METTL17: variants seen among roughly 807,000 people sequenced by gnomAD.
The protein encoded by METTL17 is methyltransferase like 17.
In METTL17, 49 loss-of-function variants were observed where a neutral mutation model predicts 59.4. The ratio of observed to expected loss-of-function variants is 0.82; its 90% confidence interval spans 0.66 to 1.05. The LOEUF is 1.05. Ranked by LOEUF, METTL17 falls within the 50% of genes least tolerant of loss-of-function variation. METTL17 has a pLI of 0.00. For synonymous variants in METTL17, 208 were observed against 209.2 expected (o/e 0.99, Z 0.05); for missense variants, 555 against 578.4 (o/e 0.96, Z 0.41).
chr14:20,991,568 T>C (rs1880028970), intron 3 of METTL17, among the ~76,000 whole-genome samples: 1 of 152,154 alleles, frequency 6.6e-6, no homozygotes, highest in Non-Finnish European at 1.5e-5. Context: ...TCTTGCTCTG[T>C]TGCCCAGGCT....
Position 20,996,995 on chromosome 14 carries a change from G to C in METTL17, c.*105G>C, listed in dbSNP as rs939987979. ...TATCCCCATATGTCTGTGTTTGTTT[G>C]AGATTTTTAATAATAAATAATAAAT... On this transcript the variant is annotated 3_prime_UTR_variant, in exon 14 of 14. Transcript: ENST00000339374. The C allele has an allele frequency of 1.7e-6, 2 of 1,155,264 alleles. No homozygotes were observed. Among genetic ancestry groups the C allele is most frequent in the African/African-American group, 3.1e-5 (2 of 64,074 alleles). 71.6% of individuals were successfully genotyped at this position (1,155,264 alleles called of 1,614,324 possible).
rs1170404275 is a variant in METTL17, at chr14:20,996,873, G to A, written c.1354G>A (p.Asp452Asn). The stretch of plus-strand genomic sequence containing the variant: ...TGCGTTTCCTCCATCTACGGCTCAG[G>A]ATCCCTCTGAGAGTTGATGAGGATG... ...PSAFPPSTAQ[D>N]PSES is the part of the protein sequence containing the mutation. The change falls in exon 14 of 14, where the codon GAT becomes AAT. Residue 452 changes from aspartate to asparagine, a missense_variant. Transcript: ENST00000339374. 1.2e-6 allele frequency: 2 copies of A among 1,610,448 alleles called. No homozygotes were observed. Among genetic ancestry groups the A allele is most frequent in the South Asian group, 1.1e-5 (1 of 91,074 alleles).
rs868720996 is a variant in METTL17, at chr14:20,995,247, T to A, written c.945+14T>A. 1 of 1,608,886 alleles carries A rather than the reference T, an allele frequency of 6.2e-7. No individual in the cohort carries two copies. Among genetic ancestry groups the A allele is most frequent in the Non-Finnish European group, 8.5e-7 (1 of 1,175,232 alleles). Reference sequence around the variant, plus strand: ...CTGGTCCTTAAGGTAAGGCTTCTTCTTCCCTCACTCCCCCACCCATATGGC... The same window carrying A: ...CTGGTCCTTAAGGTAAGGCTTCTTCATCCCTCACTCCCCCACCCATATGGC... On this transcript the variant is annotated intron_variant, in intron 10 of 13. Transcript: ENST00000339374.
In METTL17 at chr14:20,996,811, G is replaced by C. The variant is rs1028457149; in HGVS notation, c.1292G>C (p.Ser431Thr). Residue 431 changes from serine to threonine, a missense_variant, in exon 14 of 14, where the codon AGC becomes ACC. Coordinates refer to ENST00000339374, the MANE Select transcript of METTL17 (RefSeq NM_022734.3). ...GATTTGTATCGTTGTGCCCGTGTCA[G>C]CTCCTGGGGAGATCTTTTACCTGTG... ...GRDLYRCARV[S>T]SWGDLLPVLT... is the part of the protein sequence containing the mutation. 2 of 1,614,178 alleles carry C rather than the reference G, an allele frequency of 1.2e-6. No homozygotes were observed. The highest frequency in any genetic ancestry group is 1.7e-5 in the Admixed American group (1 of 60,036).
intron 3 of METTL17, chr14:20,991,622 C>G (rs1462205375): frequency 5.9e-6 from 1 of 169,610 alleles, no homozygotes; most frequent in Non-Finnish European, 1.2e-5. Flanking sequence ...CCTCTGCCTC[C>G]CGGTTTCAAG....
chr14:20,996,373 G>C, intron 12 of METTL17, 81 bp downstream of exon 12: 1 of 1,528,272 alleles, frequency 6.5e-7, no homozygotes, highest in South Asian at 1.1e-5. Flanking sequence ...AGGAGGAGTT[G>C]GATAATTTGT....
At chr14:20,993,089 C>G in intron 5 of METTL17, 29 bp from the exon 6 acceptor site, 2 of 1,599,054 alleles carry the variant, frequency 1.3e-6, no homozygotes, top group Non-Finnish European at 1.7e-6. Context: ...TCTAATTACC[C>G]TACTGTGGGA....
intron 5 of METTL17, 76 bp from the exon 6 acceptor site, chr14:20,993,042 C>T: frequency 1.6e-6 from 2 of 1,224,606 alleles, no homozygotes; most frequent in Admixed American, 1.7e-5. Context: ...TCTGTGATAG[C>T]CTCCTAATTC....
At chr14:20,992,769 T>C in intron 5 of METTL17, 147 bp downstream of exon 5, 1 of 657,344 alleles carries the variant, frequency 1.5e-6, no homozygotes. Flanking sequence ...GGCTCCTGCC[T>C]GCAGTCCCAA....
At position 20,994,530 on chromosome 14, in the gene METTL17, CT is replaced by C. The variant is rs1252507704; in HGVS notation, c.698-9del. On this transcript the variant is annotated splice_polypyrimidine_tract_variant and intron_variant, in intron 7 of 13. Transcript: ENST00000339374. ...TCCTACACACTCACAGTTGCCTCTT[CT>C]TTTCTCCACAGGTGGTTCAGAATCT... 7.4e-6 allele frequency: 12 copies of C among 1,613,236 alleles called. No homozygotes were observed. Among genetic ancestry groups the C allele is most frequent in the African/African-American group, 1.3e-5 (1 of 74,912 alleles).
Position 20,993,695 on chromosome 14 carries a change from T to A in METTL17, c.603-274T>A, listed in dbSNP as rs12589159. The A allele has an allele frequency of 8.1e-3, 2,012 of 248,984 alleles. 16 individuals carry two copies. Among genetic ancestry groups the A allele is most frequent in the East Asian group, 0.027 (279 of 10,354 alleles). 15.4% of individuals were successfully genotyped at this position (248,984 alleles called of 1,614,324 possible). A position where few individuals can be genotyped will look rare whatever the true frequency, so the allele number is the denominator to read the frequency against. On this transcript the variant is annotated intron_variant, in intron 6 of 13. Transcript: ENST00000339374. Reference sequence around the variant, plus strand: ...TCACCATATTGGCCAGGCTGGTCTCTAACTCCTGACCTTGTGATCCGCCCA... The same window carrying A: ...TCACCATATTGGCCAGGCTGGTCTCAAACTCCTGACCTTGTGATCCGCCCA...
Position 20,994,615 on chromosome 14 carries a change from CAA to C in METTL17, c.768+3_768+4del. 6.2e-7 allele frequency: 1 copy of C among 1,613,620 alleles called. No individual in the cohort carries two copies. Among genetic ancestry groups the C allele is most frequent in the South Asian group, 1.1e-5 (1 of 91,076 alleles). On this transcript the variant is annotated splice_donor_region_variant and intron_variant, in intron 8 of 13. Transcript: ENST00000339374. ...CAGTTTCTACCTGTATCACCCAAGG[CAA>C]GTGGCAGTGTTTAGAATATTCTAAA...
intron 6 of METTL17, chr14:20,993,757 G>A (rs374788836): frequency 2.8e-6 from 1 of 352,772 alleles, no homozygotes; most frequent in Non-Finnish European, 5.2e-6. Context: ...ACAAGCATGA[G>A]CCACTGTGCC....
At chr14:20,994,932 C>T (rs1224587563) in intron 9 of METTL17, 31 bp downstream of exon 9, 1 of 1,519,694 alleles carries the variant, frequency 6.6e-7, no homozygotes, top group Admixed American at 1.8e-5. Context: ...CTCCTTAAGT[C>T]TTGAAGCAGC....
At chr14:20,994,205 T>C in intron 7 of METTL17, 142 bp downstream of exon 7, 1 of 654,060 alleles carries the variant, frequency 1.5e-6, no homozygotes, top group East Asian at 2.8e-5. Context: ...AAGCAAAGGG[T>C]GGTATTAGAG....
chr14:20,996,633 C>T lies in METTL17; in HGVS notation c.1187C>T (p.Pro396Leu), dbSNP rs1174801406. ...PRITQPVLKR[P>L]RHVHCHLCCP... ...ATCACTCAGCCTGTCCTTAAACGGCCTCGCCATGTGCATTGTCACTTGTGC... is the reference window on the plus strand; with the variant it reads ...ATCACTCAGCCTGTCCTTAAACGGCTTCGCCATGTGCATTGTCACTTGTGC... The change falls in exon 13 of 14, where the codon CCT becomes CTT. Residue 396 changes from proline (P) to leucine (L), a missense_variant. Coordinates refer to ENST00000339374, the MANE Select transcript of METTL17 (RefSeq NM_022734.3). 1.2e-6 allele frequency: 2 copies of T among 1,614,112 alleles called. No homozygotes were observed. Among genetic ancestry groups the T allele is most frequent in the Non-Finnish European group, 1.7e-6 (2 of 1,180,054 alleles).
Position 20,990,047 on chromosome 14 carries a change from C to T in METTL17, c.45C>T (p.Cys15=), listed in dbSNP as rs771583852. 1.9e-6 allele frequency: 3 copies of T among 1,613,128 alleles called. No homozygotes were observed. In the East Asian group the frequency reaches 6.7e-5, roughly 36 times the overall value. ...GTCTACTGACATTAGGAAGATGGTGCCCCGGCCTTGGAGTGGCTCCCCAGG... is the reference window on the plus strand; with the variant it reads ...GTCTACTGACATTAGGAAGATGGTGTCCCGGCCTTGGAGTGGCTCCCCAGG... ...LKCLLTLGRW[C]PGLGVAPQAR... Residue 15 remains cysteine (C), a synonymous_variant, in exon 1 of 14, where the codon TGC becomes TGT. Transcript: ENST00000339374.
intron 5 of METTL17, 59 bp downstream of exon 5, chr14:20,992,681 G>C (rs1880100126): frequency 1.4e-5 from 19 of 1,342,446 alleles, no homozygotes; most frequent in Non-Finnish European, 1.7e-5. Flanking sequence ...TATTCATAAA[G>C]TAGTTTTCTA....
chr14:20,992,888 A>T (rs539176396), intron 5 of METTL17: 1 of 532,808 alleles, frequency 1.9e-6, no homozygotes, highest in Non-Finnish European at 3.3e-6. Context: ...CTCATCTCTT[A>T]AAAAAAACAC....
Sources: allele counts gnomAD v4.1 joint callset (sites outside exome capture counted in the v4.1 genomes callset), GRCh38; gene constraint gnomAD v4.1.1; transcripts MANE v1.5; gene names NCBI Gene and HGNC (gene_info 2026-07-23, HGNC 2026-07-21).